Variants in RPP30 observed in about 807,000 individuals in gnomAD.
The protein encoded by RPP30 is ribonuclease P protein subunit p30.
A neutral mutation model predicts 38.6 loss-of-function variants in RPP30; 36 were observed. That is an observed-to-expected ratio of 0.93 (90% CI 0.71 to 1.23). RPP30 has a LOEUF of 1.23. RPP30 is among the 50% of genes most tolerant of loss of function. The pLI, the probability that RPP30 is intolerant of heterozygous loss-of-function variation, is 0.00. For missense variants in RPP30, 321 were observed against 321.7 expected, an observed-to-expected ratio of 1.00 and a Z score of 0.02; for synonymous variants, 126 against 112.7, an observed-to-expected ratio of 1.12 and a Z score of -0.75.
chr10:90,907,562 CAT>C (rs1337201318), downstream of RPP30, among the ~76,000 whole-genome samples: 2 of 152,210 alleles, frequency 1.3e-5, no homozygotes, highest in Non-Finnish European at 2.9e-5. Context: ...AAGAGGTTAA[CAT>C]ATATGATCTT....
intron 5 of RPP30, among the ~76,000 whole-genome samples, chr10:90,880,446 G>C (rs1846912204): frequency 6.6e-6 from 1 of 152,118 alleles, no homozygotes; most frequent in Non-Finnish European, 1.5e-5. Context: ...TGCAATTGTA[G>C]GCCGGGCACA....
intron 1 of RPP30, among the ~76,000 whole-genome samples, chr10:90,874,122 TG>T (rs1846819433): frequency 6.6e-6 from 1 of 152,190 alleles, no homozygotes; most frequent in Non-Finnish European, 1.5e-5. Flanking sequence ...GTTGAGAGTT[TG>T]GCATTGATAT....
downstream of RPP30, among the ~76,000 whole-genome samples, chr10:90,906,762 G>C (rs545352076): frequency 1.3e-3 from 195 of 152,276 alleles, no homozygotes; most frequent in African/African-American, 4.6e-3. Flanking sequence ...GTAAGACCTG[G>C]TTGTTTAAAA....
chr10:90,900,790 T>C lies in RPP30; in HGVS notation c.*111T>C. The C allele has an allele frequency of 3.5e-6, 5 of 1,440,494 alleles. No homozygotes were observed. Among genetic ancestry groups the C allele is most frequent in the Non-Finnish European group, 4.6e-6 (5 of 1,098,158 alleles). 89.2% of individuals were successfully genotyped at this position (1,440,494 alleles called of 1,614,324 possible). A position where few individuals can be genotyped will look rare whatever the true frequency, so the allele number is the denominator to read the frequency against. Reference sequence around the variant, plus strand: ...TACTGTTTTCATTTGGAGCTAGAAATCAATAGTCTATAAAAACAGTTTTAC... The same window carrying C: ...TACTGTTTTCATTTGGAGCTAGAAACCAATAGTCTATAAAAACAGTTTTAC... On this transcript the variant is annotated 3_prime_UTR_variant, in exon 11 of 11. Transcript: ENST00000371703.
intron 4 of RPP30, 135 bp from the exon 5 acceptor site, chr10:90,878,928 A>G (rs1846887368): frequency 3.0e-6 from 2 of 659,026 alleles, no homozygotes; most frequent in Admixed American, 3.1e-5. Context: ...TTCTGCCAAC[A>G]TACAAAGCAA....
At position 90,875,588 on chromosome 10, in the gene RPP30, C is replaced by T. The variant is rs866789028; in HGVS notation, c.169C>T (p.Leu57Phe). 1.9e-6 allele frequency: 3 copies of T among 1,613,516 alleles called. No homozygotes were observed. The highest frequency in any genetic ancestry group is 1.3e-5 in the African/African-American group (1 of 75,030). The change falls in exon 3 of 11, where the codon CTC (leucine) becomes TTC (phenylalanine). Residue 57 changes from leucine (L) to phenylalanine (F), a missense_variant. By Grantham distance (22) the Leu-to-Phe change is conservative. Coordinates refer to ENST00000371703, the MANE Select transcript of RPP30 (RefSeq NM_006413.5). ...TGAAAAACCAGTAGCTGTTTCTGAACTCTTCACAACTTTGCCAATTGTACA... is the reference window on the plus strand; with the variant it reads ...TGAAAAACCAGTAGCTGTTTCTGAATTCTTCACAACTTTGCCAATTGTACA... ...EIEKPVAVSE[L>F]FTTLPIVQGK...
At chr10:90,893,899 A>G (rs1847110045) in intron 6 of RPP30, among the ~76,000 whole-genome samples, 1 of 152,220 alleles carries the variant, frequency 6.6e-6, no homozygotes, top group Admixed American at 6.5e-5. Context: ...GGATGCAGAC[A>G]TTTAGGTGCT....
rs185634484 is a variant in RPP30 at position 90,884,378 on chromosome 10, C to T, written c.343-1434C>T. ...TACTGATTTAAAGACCTTTTGAGTG[C>T]CTGTTCATTCATTCTCATGTCAGCA... On this transcript the variant is annotated intron_variant, in intron 5 of 10. Coordinates refer to ENST00000371703, the MANE Select transcript of RPP30 (RefSeq NM_006413.5). Among the ~76,000 whole-genome samples, 261 of 152,274 alleles carry T rather than the reference C, an allele frequency of 1.7e-3. 2 individuals carry two copies. Among genetic ancestry groups the T allele is most frequent in the African/African-American group, 6.1e-3 (252 of 41,558 alleles).
chr10:90,894,326 C>T (rs1000680090), intron 6 of RPP30, among the ~76,000 whole-genome samples: 3 of 152,162 alleles, frequency 2.0e-5, no homozygotes, highest in Non-Finnish European at 2.9e-5. Context: ...CCTTCCTGCC[C>T]TTGGTTCTTT....
chr10:90,887,687 G>A (rs1847019783), intron 6 of RPP30, among the ~76,000 whole-genome samples: 2 of 152,158 alleles, frequency 1.3e-5, no homozygotes, highest in African/African-American at 4.8e-5. Flanking sequence ...ACCCGGCCTA[G>A]GGTAAATATT....
chr10:90,906,128 G>A (rs972406842), downstream of RPP30: 2 of 152,180 alleles, frequency 1.3e-5, no homozygotes, highest in Admixed American at 6.5e-5. Flanking sequence ...AGTATTGGGT[G>A]TTCAAGAGGA....
intron 4 of RPP30, 30 bp downstream of exon 4, chr10:90,876,128 T>C: frequency 7.2e-7 from 1 of 1,384,506 alleles, no homozygotes; most frequent in Non-Finnish European, 1.0e-6. Flanking sequence ...TCTCTCCTTT[T>C]GGCTTTGTGA....
At chr10:90,876,212 C>A in intron 4 of RPP30, 114 bp downstream of exon 4, 1 of 644,678 alleles carries the variant, frequency 1.6e-6, no homozygotes, top group Non-Finnish European at 2.8e-6. Flanking sequence ...CCCCGCCAAA[C>A]CATGACACCT....
At chr10:90,900,265 G>T (rs926221976) in intron 10 of RPP30, among the ~76,000 whole-genome samples, 1 of 152,222 alleles carries the variant, frequency 6.6e-6, no homozygotes, top group African/African-American at 2.4e-5. Flanking sequence ...TAAAGTGTCT[G>T]CTACATCAAT....
intron 5 of RPP30, among the ~76,000 whole-genome samples, chr10:90,879,674 C>G (rs1004287714): frequency 6.6e-6 from 1 of 152,120 alleles, no homozygotes; most frequent in African/African-American, 2.4e-5. Flanking sequence ...ATCTTGAGAG[C>G]CTTTATGAAT....
At chr10:90,902,777 G>A (rs763425776), downstream of RPP30, among the ~76,000 whole-genome samples, 6 of 152,000 alleles carry the variant, frequency 3.9e-5, no homozygotes, top group Admixed American at 1.3e-4. Context: ...TTTGACTACC[G>A]CTTGGCCAAT....
chr10:90,907,922 C>G (rs1847270490), downstream of RPP30, among the ~76,000 whole-genome samples: 1 of 152,188 alleles, frequency 6.6e-6, no homozygotes, highest in South Asian at 2.1e-4. Flanking sequence ...GTGAACATCA[C>G]AGAGTGTTAC....
At chr10:90,883,304 A>G (rs982173869) in intron 5 of RPP30, among the ~76,000 whole-genome samples, 5 of 151,958 alleles carry the variant, frequency 3.3e-5, no homozygotes, top group Admixed American at 6.6e-5. Flanking sequence ...AAAAAAAAAA[A>G]AATTGGTATG....
At chr10:90,875,512 C>A (rs1342751347) in intron 2 of RPP30, 46 bp from the exon 3 acceptor site, 1 of 1,448,910 alleles carries the variant, frequency 6.9e-7, no homozygotes, top group South Asian at 1.2e-5. Flanking sequence ...ATGCCTTGTG[C>A]TATTAATGGA....
Sources: allele counts gnomAD v4.1 joint callset (sites outside exome capture counted in the v4.1 genomes callset), GRCh38; gene constraint gnomAD v4.1.1; transcripts MANE v1.5; gene names NCBI Gene and HGNC (gene_info 2026-07-23, HGNC 2026-07-21).